KRABD5: variants seen among roughly 807,000 people sequenced by gnomAD.
KRABD5 encodes KRAB domain-containing protein 5.
chr16:31,750,526 T>A, the KRABD5 span, among the ~76,000 whole-genome samples: 106 of 152,262 alleles, frequency 7.0e-4, 2 homozygotes, highest in East Asian at 0.018. Flanking sequence ...TTTCATTCTC[T>A]TGACTGATCT....
chr16:31,754,851 A>T, the KRABD5 span: 9 of 468,628 alleles, frequency 1.9e-5, no homozygotes, highest in Non-Finnish European at 3.5e-5. Flanking sequence ...ACTCAACATC[A>T]AATAATTCAT....
chr16:31,720,766 C>A, the KRABD5 span, among the ~76,000 whole-genome samples: 1 of 152,060 alleles, frequency 6.6e-6, no homozygotes, highest in East Asian at 1.9e-4. Context: ...TAATGTGTTT[C>A]TAGGAGGGAG....
chr16:31,717,812 C>T, the KRABD5 span, among the ~76,000 whole-genome samples: 1 of 152,134 alleles, frequency 6.6e-6, no homozygotes, highest in Non-Finnish European at 1.5e-5. Flanking sequence ...CCCTCTAAGA[C>T]TTCCTGTCAC....
At chr16:31,744,994 G>A in the KRABD5 span, among the ~76,000 whole-genome samples, 20,258 of 151,964 alleles carry the variant, frequency 0.13, 1,778 homozygotes, top group South Asian at 0.32. Context: ...TTTTTATTGT[G>A]TCTATTTGAT....
At chr16:31,724,574 C>A in the KRABD5 span, among the ~76,000 whole-genome samples, 2 of 151,908 alleles carry the variant, frequency 1.3e-5, no homozygotes, top group African/African-American at 4.8e-5. Context: ...TGCCTGTAGT[C>A]CCAGCTACTC....
the KRABD5 span, among the ~76,000 whole-genome samples, chr16:31,715,496 G>A: frequency 6.6e-6 from 1 of 152,166 alleles, no homozygotes; most frequent in Admixed American, 6.5e-5. Context: ...ATTAGGCTGA[G>A]TTGTATCTTT....
the KRABD5 span, among the ~76,000 whole-genome samples, chr16:31,727,442 G>C: frequency 6.6e-6 from 1 of 152,322 alleles, no homozygotes; most frequent in African/African-American, 2.4e-5. Flanking sequence ...CCTGTGGAGC[G>C]AGGCTACCCT....
the KRABD5 span, among the ~76,000 whole-genome samples, chr16:31,746,631 C>T: frequency 6.6e-6 from 1 of 152,074 alleles, no homozygotes; most frequent in Non-Finnish European, 1.5e-5. Context: ...TAGTAGTGGT[C>T]TCTGTATTTC....
At chr16:31,761,477 A>G in the KRABD5 span, 1 of 151,958 alleles carries the variant, frequency 6.6e-6, no homozygotes, top group African/African-American at 2.4e-5. Flanking sequence ...TTAATTTTGT[A>G]TTTTCGTATT....
At chr16:31,742,356 T>C in the KRABD5 span, among the ~76,000 whole-genome samples, 1 of 152,180 alleles carries the variant, frequency 6.6e-6, no homozygotes, top group Non-Finnish European at 1.5e-5. Context: ...TTCTCCTCTC[T>C]GTGTCCATGT....
chr16:31,723,452 A>G, the KRABD5 span: 11 of 1,261,148 alleles, frequency 8.7e-6, no homozygotes, highest in Non-Finnish European at 1.2e-5. Flanking sequence ...CTCCAGTGGA[A>G]ATGATTTTTG....
chr16:31,727,251 A>C, the KRABD5 span, among the ~76,000 whole-genome samples: 1 of 152,244 alleles, frequency 6.6e-6, no homozygotes, highest in Admixed American at 6.5e-5. Context: ...TTCGTTGCTG[A>C]TATGAGTGCC....
the KRABD5 span, among the ~76,000 whole-genome samples, chr16:31,725,315 G>A: frequency 1.1e-3 from 161 of 152,054 alleles, no homozygotes; most frequent in African/African-American, 3.6e-3. Flanking sequence ...ACGGGGTTTC[G>A]CCATGTTGGC....
the KRABD5 span, among the ~76,000 whole-genome samples, chr16:31,742,932 TTA>T: frequency 6.6e-6 from 1 of 152,194 alleles, no homozygotes; most frequent in Non-Finnish European, 1.5e-5. Flanking sequence ...GATGTTTTTC[TTA>T]TGTTTGTTGG....
At chr16:31,744,035 TG>T in the KRABD5 span, among the ~76,000 whole-genome samples, 2 of 152,036 alleles carry the variant, frequency 1.3e-5, no homozygotes, top group African/African-American at 4.8e-5. Context: ...CTGAGATGAC[TG>T]GTTTTCTAAA....
At chr16:31,724,663 G>T in the KRABD5 span, among the ~76,000 whole-genome samples, 6 of 148,864 alleles carry the variant, frequency 4.0e-5, no homozygotes, top group African/African-American at 1.5e-4. Context: ...CTGCACTCCA[G>T]CCTGGGTGAC....
At chr16:31,721,461 A>C in the KRABD5 span, among the ~76,000 whole-genome samples, 1 of 151,410 alleles carries the variant, frequency 6.6e-6, no homozygotes, top group Non-Finnish European at 1.5e-5. Context: ...AAAATAATAA[A>C]TAAAAAAATA....
chr16:31,738,204 G>T, the KRABD5 span, among the ~76,000 whole-genome samples: 5 of 151,972 alleles, frequency 3.3e-5, no homozygotes, highest in Non-Finnish European at 4.4e-5. Context: ...ATGACTATTA[G>T]GTCTAATGGT....
the KRABD5 span, among the ~76,000 whole-genome samples, chr16:31,748,803 T>C: frequency 6.6e-6 from 1 of 152,136 alleles, no homozygotes; most frequent in Non-Finnish European, 1.5e-5. Context: ...GTTGATGCTG[T>C]TGTTGTTGCT....
Sources: allele counts gnomAD v4.1 joint callset (sites outside exome capture counted in the v4.1 genomes callset), GRCh38; gene constraint gnomAD v4.1.1; transcripts MANE v1.5; gene names NCBI Gene and HGNC (gene_info 2026-07-23, HGNC 2026-07-21).